The following MAST2 variants were observed in gnomAD, a reference collection of about 807,000 sequenced individuals.
MAST2 encodes the protein microtubule associated serine/threonine kinase 2.
A neutral mutation model predicts 147.4 loss-of-function variants in MAST2; 70 were observed. That is an observed-to-expected ratio of 0.47 (90% confidence interval 0.39 to 0.58). The LOEUF is 0.58. MAST2 is among the 20% of genes least tolerant of loss of function. The pLI is 0.00. For missense variants in MAST2, 2,080 were observed against 2,302.3 expected (o/e 0.90, Z 1.98); for synonymous variants, 869 against 896.8 (o/e 0.97, Z 0.55).
At chr1:45,920,758 G>A (rs908575698) in intron 4 of MAST2, among the ~76,000 whole-genome samples, 2 of 152,100 alleles carry the variant, frequency 1.3e-5, no homozygotes, top group African/African-American at 4.8e-5. Context: ...CATTTGCTGA[G>A]CATTTACTAT....
chr1:45,936,080 T>A (rs1656145878), intron 4 of MAST2, among the ~76,000 whole-genome samples: 1 of 152,228 alleles, frequency 6.6e-6, no homozygotes, highest in African/African-American at 2.4e-5. Context: ...TCAGCAGTGT[T>A]TTTTAATTCT....
chr1:46,016,603 A>C (rs1278160377), intron 10 of MAST2, among the ~76,000 whole-genome samples: 2 of 146,706 alleles, frequency 1.4e-5, no homozygotes, highest in Non-Finnish European at 3.0e-5. Context: ...TAAAATACCT[A>C]GGAATCCAAC....
At chr1:45,917,411 CCTCA>C (rs1557903170) in intron 4 of MAST2, 1 of 1,366,594 alleles carries the variant, frequency 7.3e-7, no homozygotes, top group South Asian at 1.1e-5. Context: ...CAGCCCTCTT[CCTCA>C]CTAAAGTCCC....
chr1:46,006,328 A>T lies in MAST2; in HGVS notation c.835A>T (p.Thr279Ser), dbSNP rs1420854405. The change falls in exon 8 of 29, where the codon ACA becomes TCA. Residue 279 changes from threonine (T) to serine (S), a missense_variant. Thr to Ser is a moderately conservative substitution (Grantham distance 58). This residue lies in a region of MAST2 where 569 missense variants were observed against 642.5 expected (regional missense o/e 0.89). Coordinates refer to ENST00000361297, the MANE Select transcript of MAST2 (RefSeq NM_015112.3). ...GCACTTTTTGACGAAGCATTTCAGC[A>T]CAGAGAGCGTACCAGATGAGGAAGG... Reference protein sequence around the residue: ...ELHFLTKHFSTESVPDEEGRQ... With the variant: ...ELHFLTKHFSSESVPDEEGRQ... 5 of 1,613,930 alleles carry T rather than the reference A, an allele frequency of 3.1e-6. No homozygotes were observed. In the East Asian group the frequency reaches 1.1e-4, roughly 36 times the overall value.
At chr1:45,868,130 T>G (rs1646235067) in intron 3 of MAST2, among the ~76,000 whole-genome samples, 1 of 152,198 alleles carries the variant, frequency 6.6e-6, no homozygotes, top group African/African-American at 2.4e-5. Flanking sequence ...TGACACTGTT[T>G]TGCTTGAAAA....
chr1:46,002,572 A>G (rs1317008985), intron 6 of MAST2, among the ~76,000 whole-genome samples: 1 of 152,232 alleles, frequency 6.6e-6, no homozygotes, highest in Non-Finnish European at 1.5e-5. Flanking sequence ...TTCTTCTGTT[A>G]TACAAAGTTA....
intron 1 of MAST2, among the ~76,000 whole-genome samples, chr1:45,819,789 T>C (rs6695809): frequency 0.45 from 67,635 of 151,902 alleles, 15,253 homozygotes; most frequent in East Asian, 0.62. Flanking sequence ...ACAGATTCAA[T>C]ACAATCCATA....
chr1:46,024,107 T>C, intron 15 of MAST2, 127 bp downstream of exon 15: 3 of 896,636 alleles, frequency 3.3e-6, no homozygotes, highest in East Asian at 2.6e-5. Context: ...ACCTTTGGCA[T>C]TGGTTTCTGC....
chr1:45,978,252 G>A (rs888532587), intron 5 of MAST2, among the ~76,000 whole-genome samples: 4 of 152,136 alleles, frequency 2.6e-5, no homozygotes, highest in African/African-American at 9.7e-5. Context: ...GGTGGCTCAC[G>A]CCTGTAATGC....
intron 4 of MAST2, among the ~76,000 whole-genome samples, chr1:45,883,134 T>C (rs1207296137): frequency 6.6e-6 from 1 of 152,178 alleles, no homozygotes; most frequent in Non-Finnish European, 1.5e-5. Flanking sequence ...TAAAGTCACA[T>C]CTGGGGAACC....
At position 46,029,944 on chromosome 1, in the gene MAST2, T is replaced by A; in HGVS notation, c.2434T>A (p.Tyr812Asn). The A allele has an allele frequency of 6.2e-7, 1 of 1,614,172 alleles. No homozygotes were observed. Among genetic ancestry groups the A allele is most frequent in the Non-Finnish European group, 8.5e-7 (1 of 1,180,028 alleles). ...GTTGGAGTCAGAGGATGATACTAGC[T>A]ATTTTGACAGTAAGGCCACCGATGG... ...PQLESEDDTS[Y>N]FDTRSERYHH... Residue 812 changes from tyrosine (Y) to asparagine (N), a missense_variant, in exon 20 of 29, where the codon TAT (tyrosine) becomes AAT (asparagine). This residue lies in a region of MAST2 where 1,278 missense variants were observed against 1,304.2 expected (regional missense o/e 0.98). Coordinates refer to ENST00000361297, the MANE Select transcript of MAST2 (RefSeq NM_015112.3).
At chr1:45,899,654 C>A (rs1391410904) in intron 4 of MAST2, among the ~76,000 whole-genome samples, 1 of 152,032 alleles carries the variant, frequency 6.6e-6, no homozygotes, top group Admixed American at 6.5e-5. Flanking sequence ...CTATTTATGG[C>A]TGCATAGTAT....
At chr1:45,957,048 G>A (rs575081684) in intron 4 of MAST2, among the ~76,000 whole-genome samples, 38 of 152,286 alleles carry the variant, frequency 2.5e-4, no homozygotes, top group Middle Eastern at 6.8e-3. Context: ...CTCCTGTTAA[G>A]TAACATTATG....
chr1:45,871,317 C>T (rs1646384304), intron 3 of MAST2, among the ~76,000 whole-genome samples: 1 of 151,564 alleles, frequency 6.6e-6, no homozygotes, highest in Non-Finnish European at 1.5e-5. Context: ...AACTTTAACC[C>T]CCTCCTGAAC....
chr1:45,885,956 T>C (rs1022818701), intron 4 of MAST2, among the ~76,000 whole-genome samples: 2 of 152,086 alleles, frequency 1.3e-5, no homozygotes, highest in African/African-American at 4.8e-5. Context: ...AGGGTTTAAA[T>C]TTTAAATTTT....
At chr1:45,844,800 G>A (rs1029286766) in intron 3 of MAST2, among the ~76,000 whole-genome samples, 4 of 152,104 alleles carry the variant, frequency 2.6e-5, no homozygotes, top group Admixed American at 2.6e-4. Context: ...TTGTTCGTCC[G>A]TTTTGTGCTG....
At chr1:45,929,351 C>T (rs568810329) in intron 4 of MAST2, among the ~76,000 whole-genome samples, 1 of 152,290 alleles carries the variant, frequency 6.6e-6, no homozygotes, top group Admixed American at 6.5e-5. Context: ...CTTATTACTG[C>T]TTCGTTGTGA....
In MAST2 at chr1:46,030,775, G is replaced by C. The variant is rs528614577; in HGVS notation, c.2708+14G>C. 3.8e-6 allele frequency: 6 copies of C among 1,561,344 alleles called. No individual in the cohort carries two copies. In the East Asian group the frequency reaches 1.4e-4, roughly 36 times the overall value. On this transcript the variant is annotated intron_variant, in intron 22 of 28. Transcript: ENST00000361297. Reference sequence around the variant, plus strand: ...CTCCCCTGAGATGTGAGCACCCAGAGTTCACCCAGGGTGGGCGACACAGCT... The same window carrying C: ...CTCCCCTGAGATGTGAGCACCCAGACTTCACCCAGGGTGGGCGACACAGCT...
Position 45,826,667 on chromosome 1 carries a change from G to A in MAST2, c.325+2087G>A, listed in dbSNP as rs1644802100. On this transcript the variant is annotated intron_variant, in intron 2 of 28. Coordinates refer to ENST00000361297, the MANE Select transcript of MAST2 (RefSeq NM_015112.3). ...GCCAGGCCAGATACTCCACTTAATT[G>A]CAATCCCCTCCATGCTTACTATAGC... Among the ~76,000 whole-genome samples, 3 of 151,920 alleles carry A rather than the reference G, an allele frequency of 2.0e-5. No homozygotes were observed. In the South Asian group the frequency reaches 6.2e-4, roughly 32 times the overall value.
Sources: allele counts gnomAD v4.1 joint callset (sites outside exome capture counted in the v4.1 genomes callset), GRCh38; gene constraint gnomAD v4.1.1; regional missense constraint gnomAD v4.1.1; transcripts MANE v1.5; gene names NCBI Gene and HGNC (gene_info 2026-07-23, HGNC 2026-07-21).